NTRK2: variants seen among roughly 807,000 people sequenced by gnomAD.
NTRK2 encodes the protein neurotrophic receptor tyrosine kinase 2.
A neutral mutation model predicts 94.5 loss-of-function variants in NTRK2; 13 were observed. The observed-to-expected ratio is 0.14, with a 90% CI of 0.09 to 0.22. The LOEUF (loss-of-function observed/expected upper bound fraction) is 0.22. Among genes scored for constraint, NTRK2 ranks in the 10% least tolerant of loss-of-function variants. The pLI, the probability that NTRK2 is intolerant of heterozygous loss-of-function variation, is 1.00. For missense variants in NTRK2, 639 were observed against 1,071.2 expected, an observed-to-expected ratio of 0.60 and a Z score of 5.63; for synonymous variants, 372 against 407.4, an observed-to-expected ratio of 0.91 and a Z score of 1.05.
chr9:84,879,297 A>C (rs2076185446), intron 14 of NTRK2, among the ~76,000 whole-genome samples: 1 of 152,070 alleles, frequency 6.6e-6, no homozygotes. Context: ...AATGGATAAA[A>C]TTTTTAAAAA....
At chr9:84,745,522 G>T (rs1304796073) in intron 11 of NTRK2, among the ~76,000 whole-genome samples, 2 of 152,184 alleles carry the variant, frequency 1.3e-5, no homozygotes, top group Non-Finnish European at 2.9e-5. Flanking sequence ...ATTCATCAGA[G>T]ACCCTGGAGG....
intron 8 of NTRK2, 66 bp from the exon 9 acceptor site, chr9:84,727,588 A>G: frequency 1.4e-6 from 2 of 1,479,362 alleles, no homozygotes; most frequent in Non-Finnish European, 1.9e-6. Flanking sequence ...TCAATGACAC[A>G]GACATCTCGA....
At chr9:84,931,723 A>AC (rs1439970132) in intron 14 of NTRK2, among the ~76,000 whole-genome samples, 3 of 151,532 alleles carry the variant, frequency 2.0e-5, no homozygotes, top group Admixed American at 6.6e-5. Context: ...ATGCAAAAAA[A>AC]AAAAAAACAA....
At chr9:84,895,661 A>G (rs1449319383) in intron 14 of NTRK2, among the ~76,000 whole-genome samples, 1 of 152,234 alleles carries the variant, frequency 6.6e-6, no homozygotes, top group East Asian at 1.9e-4. Context: ...GGGCATGATT[A>G]TAAAATGTCT....
At chr9:84,839,675 G>A (rs539773426) in intron 12 of NTRK2, among the ~76,000 whole-genome samples, 6 of 152,342 alleles carry the variant, frequency 3.9e-5, no homozygotes, top group Admixed American at 2.6e-4. Flanking sequence ...GCCTCTAGCA[G>A]ATGCAGAGCA....
At chr9:84,763,530 G>A (rs940914576) in intron 12 of NTRK2, among the ~76,000 whole-genome samples, 3 of 151,602 alleles carry the variant, frequency 2.0e-5, no homozygotes, top group African/African-American at 7.3e-5. Flanking sequence ...TACTAACAAT[G>A]AATATTCATA....
chr9:84,943,004 T>C (rs907413517), intron 15 of NTRK2, among the ~76,000 whole-genome samples: 2 of 152,226 alleles, frequency 1.3e-5, no homozygotes, highest in Non-Finnish European at 2.9e-5. Context: ...TGGGAGTTTT[T>C]AAATTTCCCT....
At chr9:84,934,024 C>T (rs2078129618) in intron 14 of NTRK2, 138 bp from the exon 15 acceptor site, 4 of 885,824 alleles carry the variant, frequency 4.5e-6, no homozygotes, top group Admixed American at 4.0e-5. Context: ...AAGATGGACA[C>T]CCAGCTTCTT....
chr9:84,934,030 T>C lies in NTRK2; in HGVS notation c.1634-132T>C, dbSNP rs992638406. On this transcript the variant is annotated intron_variant, in intron 14 of 18. Coordinates refer to ENST00000277120, the MANE Select transcript of NTRK2 (RefSeq NM_006180.6). ...TGGACTGTGAAGATGGACACCCAGC[T>C]TCTTCGGTTCACTGTGCACAGAGGA... 51 of 950,308 alleles carry C rather than the reference T, an allele frequency of 5.4e-5. No homozygotes were observed. In the African/African-American group the frequency reaches 6.6e-4, roughly 12 times the overall value. The allele number at this position is 950,308 out of a possible 1,614,324, so 58.9% of individuals were successfully genotyped here.
At chr9:84,954,797 T>G (rs1476736352) in intron 16 of NTRK2, among the ~76,000 whole-genome samples, 1 of 152,150 alleles carries the variant, frequency 6.6e-6, no homozygotes, top group Non-Finnish European at 1.5e-5. Context: ...GGTTGGGGGA[T>G]ACTCTGGCAT....
chr9:84,731,876 G>A (rs987235739), intron 9 of NTRK2, among the ~76,000 whole-genome samples: 1 of 152,134 alleles, frequency 6.6e-6, no homozygotes, highest in African/African-American at 2.4e-5. Flanking sequence ...CCAGCCAGCA[G>A]GCTAATGTGG....
chr9:84,905,656 T>A (rs1029661125), intron 14 of NTRK2, among the ~76,000 whole-genome samples: 2 of 152,154 alleles, frequency 1.3e-5, no homozygotes, highest in Non-Finnish European at 2.9e-5. Flanking sequence ...ACTTCTTAAT[T>A]TGGATTACAA....
chr9:84,860,895 ATTTATTTAT>A (rs2075305046), intron 12 of NTRK2, 136 bp from the exon 13 acceptor site: 1 of 39,870 alleles, frequency 2.5e-5, no homozygotes, highest in African/African-American at 1.2e-4. Context: ...TGGTTTGTTT[ATTTATTTAT>A]TTATTTATTT....
chr9:84,958,390 T>C (rs955339016), intron 17 of NTRK2, among the ~76,000 whole-genome samples: 7 of 152,252 alleles, frequency 4.6e-5, no homozygotes, highest in African/African-American at 1.4e-4. Context: ...CCATCTACCA[T>C]ATTTTAACAT....
At chr9:84,871,441 C>G (rs779457979) in intron 14 of NTRK2, among the ~76,000 whole-genome samples, 3 of 152,182 alleles carry the variant, frequency 2.0e-5, no homozygotes, top group African/African-American at 4.8e-5. Flanking sequence ...GTGTGATACT[C>G]TGAGTTAGAC....
At chr9:84,815,654 C>G in intron 12 of NTRK2, 1 of 991,170 alleles carries the variant, frequency 1.0e-6, no homozygotes, top group Non-Finnish European at 1.2e-6. Flanking sequence ...CATAAATGTA[C>G]TTGCTGAATT....
Position 84,989,596 on chromosome 9 carries a change from A to G in NTRK2, c.2173-30610A>G, listed in dbSNP as rs539343628. The stretch of plus-strand genomic sequence containing the variant: ...CTTTTTTCAAGAACTGCTGAACAGC[A>G]TATATAATTTCAGACCCACCCTGAA... On this transcript the variant is annotated intron_variant, in intron 17 of 18. Coordinates refer to ENST00000277120, the MANE Select transcript of NTRK2 (RefSeq NM_006180.6). Among the ~76,000 whole-genome samples the G allele has an allele frequency of 7.9e-5, 12 of 152,346 alleles. No homozygotes were observed. In the South Asian group the frequency reaches 2.5e-3, roughly 32 times the overall value.
chr9:84,985,910 G>A (rs935603280), intron 17 of NTRK2, among the ~76,000 whole-genome samples: 2 of 152,192 alleles, frequency 1.3e-5, no homozygotes, highest in African/African-American at 2.4e-5. Context: ...AGGAGGAAAT[G>A]AGGAGAGGGT....
intron 14 of NTRK2, chr9:84,872,119 G>T (rs183296753): frequency 1.3e-5 from 17 of 1,297,272 alleles, no homozygotes; most frequent in Middle Eastern, 3.0e-4. Context: ...TCTGGAGTTG[G>T]TCTTTAACTC....
Sources: gnomAD v4.1 joint callset for allele counts (sites outside exome capture counted in the v4.1 genomes callset) on GRCh38, gnomAD v4.1.1 for gene constraint, MANE v1.5 for transcripts, NCBI Gene and HGNC (gene_info 2026-07-23, HGNC 2026-07-21) for gene names.